The following PACS1 variants were observed in gnomAD, a reference collection of about 807,000 sequenced individuals.
The protein encoded by PACS1 is PACS-1.
PACS1 carries 24 observed loss-of-function variants against 115.0 expected under a neutral mutation model. The ratio of observed to expected loss-of-function variants is 0.21; its 90% confidence interval spans 0.15 to 0.29. The LOEUF (loss-of-function observed/expected upper bound fraction) is 0.29. Among genes scored for constraint, PACS1 ranks in the 10% least tolerant of loss-of-function variants. PACS1 has a pLI of 1.00. For missense variants in PACS1, 838 were observed against 1,251.2 expected (o/e 0.67, Z 4.98); for synonymous variants, 453 against 504.5 (o/e 0.90, Z 1.37).
intron 1 of PACS1, among the ~76,000 whole-genome samples, chr11:66,156,132 T>G (rs968509364): frequency 6.7e-6 from 1 of 149,792 alleles, no homozygotes; most frequent in Non-Finnish European, 1.5e-5. Flanking sequence ...GTGTTTCCAC[T>G]GGTATATTGT....
At chr11:66,124,521 G>A (rs1206756145) in intron 1 of PACS1, among the ~76,000 whole-genome samples, 1 of 152,206 alleles carries the variant, frequency 6.6e-6, no homozygotes, top group Non-Finnish European at 1.5e-5. Flanking sequence ...CCACGTTTAT[G>A]TATTGAATGG....
At chr11:66,115,649 C>CAT (rs1167858436) in intron 1 of PACS1, among the ~76,000 whole-genome samples, 11 of 152,230 alleles carry the variant, frequency 7.2e-5, no homozygotes, top group Non-Finnish European at 1.5e-4. Flanking sequence ...AGCAGGCTGA[C>CAT]ATTTGTCTTA....
intron 1 of PACS1, among the ~76,000 whole-genome samples, chr11:66,183,523 C>A (rs572958205): frequency 6.6e-6 from 1 of 152,276 alleles, no homozygotes; most frequent in African/African-American, 2.4e-5. Flanking sequence ...CTTGGTAGGA[C>A]AAAGGAGTAA....
chr11:66,194,056 C>T (rs186132581), intron 2 of PACS1, among the ~76,000 whole-genome samples: 4 of 152,296 alleles, frequency 2.6e-5, no homozygotes, highest in East Asian at 1.9e-4. Flanking sequence ...CTCCGCCTCC[C>T]GGGTTCACGC....
intron 1 of PACS1, among the ~76,000 whole-genome samples, chr11:66,090,005 C>CTAA (rs1857631538): frequency 1.2e-5 from 1 of 80,596 alleles, no homozygotes. Flanking sequence ...GACTCCATCT[C>CTAA]AAAAAAAAAA....
intron 11 of PACS1, among the ~76,000 whole-genome samples, 157 bp downstream of exon 11, chr11:66,227,741 G>A (rs548125411): frequency 2.4e-4 from 36 of 152,266 alleles, no homozygotes; most frequent in Middle Eastern, 6.8e-3. Context: ...ATCCTTACCC[G>A]TGGAATGCAA....
In PACS1 at chr11:66,235,954, C is replaced by T; in HGVS notation, c.2250+14C>T. ...CCCTTCATTGGCGTGAGTACTGACT[C>T]CCTCTGCTTGGCACCCCACCCGTTC... On this transcript the variant is annotated intron_variant, in intron 19 of 23. Transcript: ENST00000320580. This position sits in a 1 kb window ranked among gnomAD's most constrained non-coding sequence, Gnocchi z 5.6. 1 of 1,612,244 alleles carries T rather than the reference C, an allele frequency of 6.2e-7. No homozygotes were observed. The highest frequency in any genetic ancestry group is 8.5e-7 in the Non-Finnish European group (1 of 1,178,286).
At chr11:66,191,128 G>A (rs974049651) in intron 1 of PACS1, among the ~76,000 whole-genome samples, 10 of 152,196 alleles carry the variant, frequency 6.6e-5, no homozygotes, top group African/African-American at 1.7e-4. Context: ...TGCAAGGAAG[G>A]ACTGTTTTCT....
At chr11:66,190,901 G>A (rs900553052) in intron 1 of PACS1, among the ~76,000 whole-genome samples, 2 of 152,178 alleles carry the variant, frequency 1.3e-5, no homozygotes, top group African/African-American at 4.8e-5. Flanking sequence ...AGGGCACCCA[G>A]GTCACAGGCT....
intron 1 of PACS1, among the ~76,000 whole-genome samples, chr11:66,135,148 T>A (rs1858813530): frequency 6.6e-6 from 1 of 151,954 alleles, no homozygotes; most frequent in Non-Finnish European, 1.5e-5. Context: ...TGCAGTGAGC[T>A]GAGGTCACAT....
intron 1 of PACS1, among the ~76,000 whole-genome samples, chr11:66,151,033 A>T (rs1040985683): frequency 2.2e-4 from 33 of 152,104 alleles, no homozygotes; most frequent in Admixed American, 2.2e-3. Flanking sequence ...TCAGGGGGGA[A>T]TCCTGGAAAC....
intron 1 of PACS1, among the ~76,000 whole-genome samples, chr11:66,172,532 C>G (rs758098365): frequency 3.9e-5 from 6 of 152,160 alleles, no homozygotes; most frequent in Non-Finnish European, 8.8e-5. Flanking sequence ...AACTTGCCAG[C>G]CTTGCAAGGC....
chr11:66,232,329 C>A, intron 14 of PACS1, 53 bp downstream of exon 14: 1 of 1,040,550 alleles, frequency 9.6e-7, no homozygotes, highest in Non-Finnish European at 1.5e-6. Context: ...AGGCAATGCC[C>A]GGTTGCATTG....
intron 1 of PACS1, among the ~76,000 whole-genome samples, chr11:66,141,073 T>A (rs186731314): frequency 6.6e-6 from 1 of 152,356 alleles, no homozygotes; most frequent in African/African-American, 2.4e-5. Context: ...AAGAATAAAT[T>A]CACATTTGTA....
rs1303903070 is a variant in PACS1, at chr11:66,233,334, A to C, written c.1838+268A>C. ...ATGCCTTGACTTGCTTTATCCTCTT[A>C]AACCCATGATGAAGGAGAGGACACA... On this transcript the variant is annotated intron_variant, in intron 15 of 23. Coordinates refer to ENST00000320580, the MANE Select transcript of PACS1 (RefSeq NM_018026.4). This position sits in a 1 kb window ranked among gnomAD's most constrained non-coding sequence, Gnocchi z 4.5. 1.3e-5 allele frequency among the ~76,000 whole-genome samples: 2 copies of C among 152,078 alleles called. No homozygotes were observed. Among genetic ancestry groups the C allele is most frequent in the African/African-American group, 4.8e-5 (2 of 41,400 alleles).
Position 66,070,595 on chromosome 11 carries a change from C to A in PACS1, c.109C>A (p.Gln37Lys). Residue 37 changes from glutamine (Q) to lysine (K), a missense_variant, in exon 1 of 24, where the codon CAG becomes AAG. This residue lies in a region of PACS1 where 129 missense variants were observed against 109.4 expected (regional missense o/e 1.18). Transcript: ENST00000320580. The surrounding 1 kb of genome is among the most constrained non-coding windows in gnomAD (Gnocchi z 5.9). ...QSPQQPPPQQ[Q>K]QQQPPQQPTP... is the part of the protein sequence containing the mutation. ...CCCTCAGCAGCCGCCGCCGCAGCAG[C>A]AGCAGCAGCAGCCGCCGCAGCAGCC... is the stretch of plus-strand genomic sequence containing the variant. 1 of 1,512,750 alleles carries A rather than the reference C, an allele frequency of 6.6e-7. No individual in the cohort carries two copies. Among genetic ancestry groups the A allele is most frequent in the Non-Finnish European group, 8.8e-7 (1 of 1,138,896 alleles). 93.7% of individuals were successfully genotyped at this position (1,512,750 alleles called of 1,614,324 possible).
intron 1 of PACS1, among the ~76,000 whole-genome samples, chr11:66,151,422 T>G (rs1859236584): frequency 6.6e-6 from 1 of 152,096 alleles, no homozygotes; most frequent in South Asian, 2.1e-4. Flanking sequence ...TCACAGAGTG[T>G]GAGCCCCTAA....
chr11:66,141,800 TTTTG>T (rs1168402202), intron 1 of PACS1, among the ~76,000 whole-genome samples: 2 of 151,812 alleles, frequency 1.3e-5, no homozygotes, highest in Non-Finnish European at 2.9e-5. Context: ...TGCAGTTGTT[TTTTG>T]TTTGTTTTGT....
chr11:66,096,205 CTTTCTT>C (rs1308204995), intron 1 of PACS1, among the ~76,000 whole-genome samples: 3 of 111,126 alleles, frequency 2.7e-5, no homozygotes, highest in African/African-American at 9.9e-5. Flanking sequence ...TTATCTTTTT[CTTTCTT>C]TTTTTTTTTT....
Sources: gnomAD v4.1 joint callset for allele counts (sites outside exome capture counted in the v4.1 genomes callset) on GRCh38, gnomAD v4.1.1 for gene constraint, gnomAD v4.1.1 regional missense constraint, Gnocchi (gnomAD v3.1) non-coding constraint, MANE v1.5 for transcripts, NCBI Gene and HGNC (gene_info 2026-07-23, HGNC 2026-07-21) for gene names.